NPRL3: variants seen among roughly 807,000 people sequenced by gnomAD.
The protein encoded by NPRL3 is NPR3 like, GATOR1 complex subunit, also known as GATOR1 complex protein NPRL3.
In NPRL3, 23 loss-of-function variants were observed where a neutral mutation model predicts 57.2. That is an observed-to-expected ratio of 0.40 (90% CI 0.29 to 0.57). The LOEUF (loss-of-function observed/expected upper bound fraction) is 0.57, where lower values mean the gene tolerates loss of function less well. Among genes scored for constraint, NPRL3 ranks in the 20% least tolerant of loss-of-function variants. The pLI, the probability that NPRL3 is intolerant of heterozygous loss-of-function variation, is 0.42. For missense variants in NPRL3, 691 were observed against 767.1 expected (o/e 0.90, Z 1.17); for synonymous variants, 333 against 321.1 (o/e 1.04, Z -0.39).
rs1206469161 is a variant in NPRL3 at position 89,923 on chromosome 16, G to A, written c.1162-21C>T. On this transcript the variant is annotated intron_variant, in intron 11 of 13. Coordinates refer to ENST00000611875, the MANE Select transcript of NPRL3 (RefSeq NM_001077350.3). The stretch of plus-strand genomic sequence containing the variant: ...TGGGTCTGCGGGTGGCAGCAGGTGA[G>A]GCTGGTCCCCCTCCCCACTCCAACT... 2.6e-6 allele frequency: 4 copies of A among 1,537,784 alleles called. No homozygotes were observed. In the African/African-American group the frequency reaches 4.2e-5, roughly 16 times the overall value.
At chr16:111,624 G>GT (rs1406867558) in intron 6 of NPRL3, among the ~76,000 whole-genome samples, 5 of 151,426 alleles carry the variant, frequency 3.3e-5, no homozygotes, top group Admixed American at 2.0e-4. Context: ...TAATTTTTGG[G>GT]TTTTTTTCGG....
At chr16:127,235 ATT>A (rs35559832) in intron 3 of NPRL3, 999 of 99,812 alleles carry the variant, frequency 0.01, 2 homozygotes, top group South Asian at 0.017. Context: ...GCACTGTCCA[ATT>A]TTTTTTTTTT....
At chr16:135,747 G>A (rs779253893) in intron 2 of NPRL3, among the ~76,000 whole-genome samples, 14 of 151,782 alleles carry the variant, frequency 9.2e-5, no homozygotes, top group Non-Finnish European at 1.9e-4. Context: ...AGATTAGACT[G>A]AAAACTCCAC....
At chr16:117,814 G>A (rs976280310) in intron 4 of NPRL3, among the ~76,000 whole-genome samples, 1 of 152,370 alleles carries the variant, frequency 6.6e-6, no homozygotes, top group South Asian at 2.1e-4. Context: ...AGGCCAGCAA[G>A]TCCTAATTTC....
chr16:104,152 G>T (rs1021293946), intron 7 of NPRL3, among the ~76,000 whole-genome samples: 30 of 150,972 alleles, frequency 2.0e-4, no homozygotes, highest in Non-Finnish European at 3.4e-4. Context: ...AATTAGCCAG[G>T]TGTGGTGGCA....
chr16:98,436 T>C lies in NPRL3; in HGVS notation c.768-135A>G, dbSNP rs116782176. The C allele has an allele frequency of 9.2e-4, 875 of 953,044 alleles. 9 individuals carry two copies. The African/African-American group carries it at 0.014, about 15-fold the overall frequency. The allele number at this position is 953,044 out of a possible 1,614,324, so 59.0% of individuals were successfully genotyped here. ...AGGTATGCACCGGGTATGCACCAGG[T>C]ATGCACCTGGGACTCAAACACACGG... is the stretch of plus-strand genomic sequence containing the variant. On this transcript the variant is annotated intron_variant, in intron 8 of 13. Coordinates refer to ENST00000611875, the MANE Select transcript of NPRL3 (RefSeq NM_001077350.3).
chr16:89,263 A>AG, intron 12 of NPRL3: 2 of 279,640 alleles, frequency 7.2e-6, no homozygotes, highest in African/African-American at 4.3e-5. Context: ...ACCTCAGCCA[A>AG]GGGGGGACTT....
At position 138,318 on chromosome 16, in the gene NPRL3, C is replaced by A; in HGVS notation, c.-51G>T. The A allele has an allele frequency of 1.1e-6, 1 of 895,548 alleles. No individual in the cohort carries two copies. The allele number at this position is 895,548 out of a possible 1,614,324, so 55.5% of individuals were successfully genotyped here. On this transcript the variant is annotated 5_prime_UTR_variant, in exon 2 of 14. Transcript: ENST00000611875. ...CGGAGGGGGCCAGAGGAGGACGGAG[C>A]CGGAGGCGGAGGGGGCCTGAGGAGG...
At chr16:113,668 G>A (rs11865131) in intron 5 of NPRL3, among the ~76,000 whole-genome samples, 57,201 of 152,050 alleles carry the variant, frequency 0.38, 11,889 homozygotes, top group Non-Finnish European at 0.48. Flanking sequence ...GTCATCCTGT[G>A]GGGGTGGAGG....
intron 3 of NPRL3, among the ~76,000 whole-genome samples, chr16:121,977 G>C (rs747970855): frequency 7.4e-4 from 112 of 152,026 alleles, no homozygotes; most frequent in Non-Finnish European, 1.3e-3. Context: ...GTTTCACCAT[G>C]TTGGTCAGGC....
At chr16:119,023 C>T (rs1296784428) in intron 4 of NPRL3, 103 bp downstream of exon 4, 11 of 1,433,180 alleles carry the variant, frequency 7.7e-6, no homozygotes, top group Non-Finnish European at 7.4e-6. Context: ...GGGGAAGCCA[C>T]ACCTGCCCAA....
At chr16:117,210 G>C in intron 5 of NPRL3, 91 bp downstream of exon 5, 4 of 885,224 alleles carry the variant, frequency 4.5e-6, no homozygotes, top group Non-Finnish European at 1.8e-6. Flanking sequence ...TGCAGTCCAA[G>C]CTCCGAGTCA....
intron 5 of NPRL3, among the ~76,000 whole-genome samples, chr16:115,646 TG>T: frequency 6.6e-6 from 1 of 152,290 alleles, no homozygotes; most frequent in South Asian, 2.1e-4. Context: ...CCACCACACC[TG>T]GCTAATTTTG....
rs1472942371 is a variant in NPRL3, at chr16:96,476, G to T, written c.924+1669C>A. The stretch of plus-strand genomic sequence containing the variant: ...CTGTCTCCTGAATGCTATGAAGGTG[G>T]GCAGGACATGGTGTTTACTGAGTCC... On this transcript the variant is annotated intron_variant, in intron 9 of 13. Coordinates refer to ENST00000611875, the MANE Select transcript of NPRL3 (RefSeq NM_001077350.3). Among the ~76,000 whole-genome samples, 3 of 151,900 alleles carry T rather than the reference G, an allele frequency of 2.0e-5. No individual in the cohort carries two copies. The East Asian group carries it at 5.8e-4, about 29-fold the overall frequency.
At chr16:108,830 C>T (rs965530141) in intron 7 of NPRL3, among the ~76,000 whole-genome samples, 10 of 151,150 alleles carry the variant, frequency 6.6e-5, no homozygotes, top group Admixed American at 2.6e-4. Flanking sequence ...ACCACCACGC[C>T]CGGCTAATTT....
At chr16:132,668 CTTT>C (rs869062857) in intron 2 of NPRL3, among the ~76,000 whole-genome samples, 4 of 120,276 alleles carry the variant, frequency 3.3e-5, no homozygotes, top group Admixed American at 7.9e-5. Flanking sequence ...AATTGTATTT[CTTT>C]TTTTTTTTTT....
At chr16:132,664 ATTTCTTTTT>A (rs1465014895) in intron 2 of NPRL3, among the ~76,000 whole-genome samples, 27 of 143,414 alleles carry the variant, frequency 1.9e-4, no homozygotes, top group African/African-American at 6.1e-4. Context: ...TACAAATTGT[ATTTCTTTTT>A]TTTTTTTTTT....
intron 3 of NPRL3, among the ~76,000 whole-genome samples, chr16:121,925 C>T (rs1036146962): frequency 1.3e-4 from 20 of 151,856 alleles, no homozygotes; most frequent in African/African-American, 4.8e-4. Context: ...GAGGCACCCG[C>T]CACCACGCCC....
chr16:98,247 A>G lies in NPRL3; in HGVS notation c.822T>C (p.Leu274=). 1.9e-6 allele frequency: 3 copies of G among 1,613,958 alleles called. No homozygotes were observed. Among genetic ancestry groups the G allele is most frequent in the Non-Finnish European group, 2.5e-6 (3 of 1,179,856 alleles). The change falls in exon 9 of 14, where the codon CTT becomes CTC. Residue 274 remains leucine (L), a synonymous_variant. Transcript: ENST00000611875. ...LSDEKSLLGE[L]PIDCSPALVR... is the part of the protein sequence containing the mutation. ...CTAGGGCAGGGGAGCAGTCAATAGG[A>G]AGCTCACCCAGCAAGGACTTCTCAT...
Sources: allele counts gnomAD v4.1 joint callset (sites outside exome capture counted in the v4.1 genomes callset), GRCh38; gene constraint gnomAD v4.1.1; transcripts MANE v1.5; gene names NCBI Gene and HGNC (gene_info 2026-07-23, HGNC 2026-07-21).